The following FGF10 variants were observed in gnomAD, a reference collection of about 807,000 sequenced individuals.
FGF10 encodes the protein FGF-10.
Under a neutral mutation model 19.8 loss-of-function variants are expected in FGF10, and 2 were observed. The observed-to-expected ratio is 0.10, with a 90% CI of 0.04 to 0.32. The LOEUF (loss-of-function observed/expected upper bound fraction) is 0.32, where lower values mean the gene tolerates loss of function less well. FGF10 is among the 10% of genes least tolerant of loss of function. FGF10 has a pLI of 1.00. For missense variants in FGF10, 191 were observed against 246.3 expected (o/e 0.78, Z 1.50); for synonymous variants, 112 against 94.0 (o/e 1.19, Z -1.10).
chr5:44,367,454 TTAGAC>T (rs1741644562), intron 1 of FGF10, among the ~76,000 whole-genome samples: 1 of 152,086 alleles, frequency 6.6e-6, no homozygotes, highest in South Asian at 2.1e-4. Context: ...GGATTTCAAA[TTAGAC>T]TAGTTGCATC....
intron 1 of FGF10, among the ~76,000 whole-genome samples, chr5:44,346,038 G>C (rs1561208961): frequency 6.6e-6 from 1 of 151,594 alleles, no homozygotes; most frequent in Non-Finnish European, 1.5e-5. Flanking sequence ...ATCACTTAAC[G>C]GCTGCCCTTG....
At chr5:44,312,969 C>T (rs1196480294) in intron 1 of FGF10, among the ~76,000 whole-genome samples, 1 of 152,004 alleles carries the variant, frequency 6.6e-6, no homozygotes, top group African/African-American at 2.4e-5. Flanking sequence ...TTATATTTAG[C>T]TTAGATACCC....
rs112475363 is a variant in FGF10 at position 44,374,371 on chromosome 5, A to G, written c.325+13987T>C. Among the ~76,000 whole-genome samples the G allele has an allele frequency of 7.2e-5, 11 of 152,250 alleles. 1 individual carries two copies. Among genetic ancestry groups the G allele is most frequent in the African/African-American group, 2.4e-4 (10 of 41,564 alleles). ...GATCACATTTGCAAAAACTTTACAA[A>G]TACAGTAACATTCACAGGTTCCAGG... On this transcript the variant is annotated intron_variant, in intron 1 of 2. Transcript: ENST00000264664.
At chr5:44,343,639 C>T (rs532722218) in intron 1 of FGF10, among the ~76,000 whole-genome samples, 112 of 152,082 alleles carry the variant, frequency 7.4e-4, no homozygotes, top group Admixed American at 9.8e-4. Flanking sequence ...ATGTCCTTAA[C>T]ACCTCTGGAA....
chr5:44,378,509 G>A (rs1741915465), intron 1 of FGF10, among the ~76,000 whole-genome samples: 1 of 152,158 alleles, frequency 6.6e-6, no homozygotes, highest in South Asian at 2.1e-4. Context: ...TCGGCTCAGT[G>A]CAAGCTCTGC....
At position 44,303,463 on chromosome 5, in the gene FGF10, T is replaced by A. The variant is rs1740005399; in HGVS notation, c.*1532A>T. On this transcript the variant is annotated 3_prime_UTR_variant, in exon 3 of 3. Transcript: ENST00000264664. The stretch of plus-strand genomic sequence containing the variant: ...AGATAAAACTGCAGCATCAATATAC[T>A]ATTATAGTTATTGCTTAAAAGTATT... The A allele has an allele frequency of 1.3e-5, 2 of 152,166 alleles. No individual in the cohort carries two copies. The highest frequency in any genetic ancestry group is 4.8e-5 in the African/African-American group (2 of 41,438). 9.4% of individuals were successfully genotyped at this position (152,166 alleles called of 1,614,324 possible). A position where few individuals can be genotyped will look rare whatever the true frequency, so the allele number is the denominator to read the frequency against.
At chr5:44,365,888 C>T (rs934884617) in intron 1 of FGF10, among the ~76,000 whole-genome samples, 1 of 151,870 alleles carries the variant, frequency 6.6e-6, no homozygotes, top group Non-Finnish European at 1.5e-5. Context: ...TACAAAAATA[C>T]ATGTAAATAT....
chr5:44,303,763 T>C lies in FGF10; in HGVS notation c.*1232A>G, dbSNP rs953267750. Reference sequence around the variant, plus strand: ...TTGTATATGGTTACACATATACCAGTATATATTTGATTTGCTCAGTTTAAG... The same window carrying C: ...TTGTATATGGTTACACATATACCAGCATATATTTGATTTGCTCAGTTTAAG... On this transcript the variant is annotated 3_prime_UTR_variant, in exon 3 of 3. Transcript: ENST00000264664. 6.6e-6 allele frequency: 1 copy of C among 152,188 alleles called. No homozygotes were observed. The highest frequency in any genetic ancestry group is 1.5e-5 in the Non-Finnish European group (1 of 68,024). The allele number at this position is 152,188 out of a possible 1,614,324, so 9.4% of individuals were successfully genotyped here.
chr5:44,376,520 A>AAAAAAAAAAAAAAAAAC (rs1320787641), intron 1 of FGF10, among the ~76,000 whole-genome samples: 1 of 146,590 alleles, frequency 6.8e-6, no homozygotes, highest in Non-Finnish European at 1.5e-5. Flanking sequence ...AAAAAAAACA[A>AAAAAAAAAAAAAAAAAC]AAAACCCACA....
At chr5:44,368,885 C>A (rs921707429) in intron 1 of FGF10, among the ~76,000 whole-genome samples, 4 of 152,008 alleles carry the variant, frequency 2.6e-5, no homozygotes, top group African/African-American at 9.7e-5. Context: ...CCAGACTGAT[C>A]TCAAATTCCT....
At chr5:44,349,832 T>C (rs143963586) in intron 1 of FGF10, among the ~76,000 whole-genome samples, 2,083 of 151,260 alleles carry the variant, frequency 0.014, 49 homozygotes, top group African/African-American at 0.047. Context: ...CAGACCTGGG[T>C]TCAAATCCTA....
At chr5:44,317,886 A>G (rs1424575271) in intron 1 of FGF10, among the ~76,000 whole-genome samples, 3 of 152,190 alleles carry the variant, frequency 2.0e-5, no homozygotes, top group Admixed American at 1.3e-4. Flanking sequence ...GACACAAATG[A>G]CACGTGTCTA....
At position 44,355,228 on chromosome 5, in the gene FGF10, T is replaced by C. The variant is rs563477930; in HGVS notation, c.325+33130A>G. 1.2e-3 allele frequency among the ~76,000 whole-genome samples: 177 copies of C among 151,514 alleles called. 1 individual carries two copies. The highest frequency in any genetic ancestry group is 4.2e-3 in the African/African-American group (174 of 41,458). The stretch of plus-strand genomic sequence containing the variant: ...TCTCTCCTGGACTTTTCAAGATGTG[T>C]AAAATCTCATCTTACCAAACCACTC... On this transcript the variant is annotated intron_variant, in intron 1 of 2. Coordinates refer to ENST00000264664, the MANE Select transcript of FGF10 (RefSeq NM_004465.2).
At chr5:44,321,241 C>T (rs911632207) in intron 1 of FGF10, among the ~76,000 whole-genome samples, 13 of 152,160 alleles carry the variant, frequency 8.5e-5, no homozygotes, top group Admixed American at 1.3e-4. Context: ...AGCACCATAA[C>T]TAGACCAATT....
In FGF10 at chr5:44,304,160, C is replaced by T. The variant is rs1740022546; in HGVS notation, c.*835G>A. The stretch of plus-strand genomic sequence containing the variant: ...GTTGATGGTTATTACTGCAGAAGTG[C>T]AAATTAAGTCAACTGATAGCACACG... On this transcript the variant is annotated 3_prime_UTR_variant, in exon 3 of 3. Coordinates refer to ENST00000264664, the MANE Select transcript of FGF10 (RefSeq NM_004465.2). The T allele has an allele frequency of 6.6e-6, 1 of 152,084 alleles. No individual in the cohort carries two copies. The highest frequency in any genetic ancestry group is 1.5e-5 in the Non-Finnish European group (1 of 68,008). The allele number at this position is 152,084 out of a possible 1,614,324, so 9.4% of individuals were successfully genotyped here. A position where few individuals can be genotyped will look rare whatever the true frequency, so the allele number is the denominator to read the frequency against.
Position 44,304,861 on chromosome 5 carries a change from G to A in FGF10, c.*134C>T, listed in dbSNP as rs1049385225. 1.2e-4 allele frequency: 98 copies of A among 846,096 alleles called. No individual in the cohort carries two copies. The Admixed American group carries it at 1.9e-3, about 16-fold the overall frequency. The allele number at this position is 846,096 out of a possible 1,614,324, so 52.4% of individuals were successfully genotyped here. ...AGCAGTGAATACAAAAACCTTCAAA[G>A]GCTGGCTTTCTTTTAAGCAAGCAGA... On this transcript the variant is annotated 3_prime_UTR_variant, in exon 3 of 3. Transcript: ENST00000264664.
At chr5:44,366,634 T>C (rs1741620658) in intron 1 of FGF10, among the ~76,000 whole-genome samples, 1 of 152,034 alleles carries the variant, frequency 6.6e-6, no homozygotes, top group Admixed American at 6.6e-5. Context: ...TTGTGACATA[T>C]GATTTGTGAA....
chr5:44,302,282 GCTTC>G lies in FGF10; in HGVS notation c.*2709_*2712del, dbSNP rs56194673. 0.23 allele frequency among the ~76,000 whole-genome samples: 27,486 copies of G among 121,910 alleles called. 3,170 individuals carry two copies. The highest frequency in any genetic ancestry group is 0.25 in the African/African-American group (7,625 of 31,040). 80.0% of individuals were successfully genotyped at this position (121,910 alleles called of 152,430 possible). A position where few individuals can be genotyped will look rare whatever the true frequency, so the allele number is the denominator to read the frequency against. Reference sequence around the variant, plus strand: ...TCTTTCCTTCCTTCCTTCTTTCCTTGCTTCCTTCCTTCCTTCCTTCCTTCCTTCC... The same window carrying G: ...TCTTTCCTTCCTTCCTTCTTTCCTTGCTTCCTTCCTTCCTTCCTTCCTTCC... On this transcript the variant is annotated 3_prime_UTR_variant, in exon 3 of 3. Transcript: ENST00000264664.
At chr5:44,378,989 G>A (rs1204104634) in intron 1 of FGF10, among the ~76,000 whole-genome samples, 2 of 152,164 alleles carry the variant, frequency 1.3e-5, no homozygotes, top group Non-Finnish European at 2.9e-5. Flanking sequence ...CAGCCTCAAT[G>A]TGCCTTCTCT....
Sources: gnomAD v4.1 joint callset for allele counts (sites outside exome capture counted in the v4.1 genomes callset) on GRCh38, gnomAD v4.1.1 for gene constraint, MANE v1.5 for transcripts, NCBI Gene and HGNC (gene_info 2026-07-23, HGNC 2026-07-21) for gene names.